Variants in NOS1AP observed in about 807,000 individuals in gnomAD.
NOS1AP encodes carboxyl-terminal PDZ ligand of neuronal nitric oxide synthase protein.
A neutral mutation model predicts 56.2 loss-of-function variants in NOS1AP; 21 were observed. The observed-to-expected ratio is 0.37, with a 90% CI of 0.26 to 0.54. The LOEUF (loss-of-function observed/expected upper bound fraction) is 0.54. Ranked by LOEUF, NOS1AP falls within the 20% of genes least tolerant of loss-of-function variation. NOS1AP has a pLI of 0.84. For missense variants in NOS1AP, 522 were observed against 657.8 expected (o/e 0.79, Z 2.26); for synonymous variants, 270 against 274.6 (o/e 0.98, Z 0.17).
Position 162,342,286 on chromosome 1 carries a change from C to T in NOS1AP, c.454-1549C>T, listed in dbSNP as rs1346034712. ...GCTAAGAAAGGTTAGAGCTGTAAAACAATTACTTCTAGGAGTAGATTTGAA... is the reference window on the plus strand; with the variant it reads ...GCTAAGAAAGGTTAGAGCTGTAAAATAATTACTTCTAGGAGTAGATTTGAA... On this transcript the variant is annotated intron_variant, in intron 5 of 9. Coordinates refer to ENST00000361897, the MANE Select transcript of NOS1AP (RefSeq NM_014697.3). 2.6e-5 allele frequency among the ~76,000 whole-genome samples: 4 copies of T among 152,308 alleles called. No homozygotes were observed. In the East Asian group the frequency reaches 7.7e-4, roughly 29 times the overall value.
intron 6 of NOS1AP, among the ~76,000 whole-genome samples, chr1:162,351,956 C>T (rs982830205): frequency 2.6e-5 from 4 of 152,262 alleles, no homozygotes; most frequent in South Asian, 4.1e-4. Flanking sequence ...TGCTCAGCCC[C>T]GGGAATGAAG....
chr1:162,356,265 T>TG (rs1657702249), intron 7 of NOS1AP, among the ~76,000 whole-genome samples: 1 of 152,206 alleles, frequency 6.6e-6, no homozygotes, highest in Non-Finnish European at 1.5e-5. Context: ...TGGAATTCTA[T>TG]GAATCGTAGA....
chr1:162,207,700 A>G (rs1445473299), intron 2 of NOS1AP, among the ~76,000 whole-genome samples: 1 of 152,206 alleles, frequency 6.6e-6, no homozygotes, highest in African/African-American at 2.4e-5. Context: ...GTAAATATTC[A>G]TGATGTGTGA....
chr1:162,312,200 CA>C (rs1431087381), intron 4 of NOS1AP, among the ~76,000 whole-genome samples: 1 of 145,826 alleles, frequency 6.9e-6, no homozygotes, highest in Non-Finnish European at 1.5e-5. Context: ...GTCCCACCAA[CA>C]GTGTAAAAGT....
chr1:162,366,396 G>A (rs1658087172), intron 9 of NOS1AP, among the ~76,000 whole-genome samples: 1 of 152,232 alleles, frequency 6.6e-6, no homozygotes, highest in South Asian at 2.1e-4. Context: ...GGGAGGTTAA[G>A]TAACTAGCTC....
At position 162,216,135 on chromosome 1, in the gene NOS1AP, A is replaced by G. The variant is rs190088518; in HGVS notation, c.177+61659A>G. On this transcript the variant is annotated intron_variant, in intron 2 of 9. Transcript: ENST00000361897. The stretch of plus-strand genomic sequence containing the variant: ...TCCCTGTCATCAGTCTTCTGAGTCC[A>G]TTGACGTTGATTTGCATTCCTTTGC... Among the ~76,000 whole-genome samples the G allele has an allele frequency of 4.3e-3, 647 of 152,142 alleles. 5 individuals carry two copies. The highest frequency in any genetic ancestry group is 6.0e-3 in the Non-Finnish European group (407 of 67,998).
chr1:162,134,243 C>T (rs962880866), intron 1 of NOS1AP, among the ~76,000 whole-genome samples: 1 of 152,080 alleles, frequency 6.6e-6, no homozygotes. Flanking sequence ...GTAATCCCAG[C>T]ACTTTAGGAG....
chr1:162,309,948 G>A (rs556211185), intron 4 of NOS1AP, among the ~76,000 whole-genome samples: 3 of 152,230 alleles, frequency 2.0e-5, no homozygotes, highest in East Asian at 1.9e-4. Context: ...TATGAGATAA[G>A]GGAAATGCTG....
chr1:162,242,184 T>C (rs140229574), intron 2 of NOS1AP, among the ~76,000 whole-genome samples: 1 of 152,290 alleles, frequency 6.6e-6, no homozygotes, highest in East Asian at 1.9e-4. Flanking sequence ...CTCAAGTGAA[T>C]AGGGTTTTAA....
At chr1:162,320,746 C>T (rs1406813014) in intron 4 of NOS1AP, among the ~76,000 whole-genome samples, 16 of 151,844 alleles carry the variant, frequency 1.1e-4, no homozygotes, top group East Asian at 1.9e-4. Context: ...CCCAGCTACT[C>T]GGGAGGCTGA....
At chr1:162,312,046 T>G (rs1656051956) in intron 4 of NOS1AP, among the ~76,000 whole-genome samples, 1 of 147,456 alleles carries the variant, frequency 6.8e-6, no homozygotes, top group African/African-American at 2.5e-5. Context: ...TAAACATACG[T>G]GTGCATGTGT....
intron 8 of NOS1AP, among the ~76,000 whole-genome samples, chr1:162,357,463 CT>C (rs1270286544): frequency 6.6e-6 from 1 of 152,090 alleles, no homozygotes; most frequent in African/African-American, 2.4e-5. Context: ...CCTTACTTTC[CT>C]GATATTTGGG....
intron 2 of NOS1AP, among the ~76,000 whole-genome samples, chr1:162,236,026 G>C (rs927291190): frequency 3.9e-5 from 6 of 152,208 alleles, no homozygotes; most frequent in Non-Finnish European, 7.3e-5. Flanking sequence ...GATATTTCAT[G>C]TCACTTCCCC....
At chr1:162,342,511 T>G (rs1453806917) in intron 5 of NOS1AP, 1 of 473,386 alleles carries the variant, frequency 2.1e-6, no homozygotes, top group Admixed American at 2.3e-5. Context: ...AGTTGTTCCA[T>G]GCACAGGGTT....
intron 4 of NOS1AP, among the ~76,000 whole-genome samples, chr1:162,308,250 T>TG (rs1655907331): frequency 1.3e-5 from 2 of 152,190 alleles, no homozygotes; most frequent in Non-Finnish European, 2.9e-5. Flanking sequence ...TGGTCCCAGG[T>TG]GCAGGGAAAA....
At chr1:162,316,455 C>T (rs779304222) in intron 4 of NOS1AP, among the ~76,000 whole-genome samples, 2 of 152,204 alleles carry the variant, frequency 1.3e-5, no homozygotes, top group Non-Finnish European at 2.9e-5. Context: ...CAGTCCTGTC[C>T]AGCTACTGCT....
chr1:162,156,352 G>A (rs77903647), intron 2 of NOS1AP, among the ~76,000 whole-genome samples: 3,445 of 152,186 alleles, frequency 0.023, 151 homozygotes, highest in African/African-American at 0.078. Context: ...TCTGGGAAGG[G>A]GCAGGCATGT....
chr1:162,251,876 T>TG (rs1245143534), intron 2 of NOS1AP, among the ~76,000 whole-genome samples: 8 of 137,622 alleles, frequency 5.8e-5, no homozygotes, highest in South Asian at 2.5e-4. Flanking sequence ...TTTGTTTTTT[T>TG]TTTTTTTTTT....
rs188797857 is a variant in NOS1AP at position 162,218,182 on chromosome 1, T to C, written c.177+63706T>C. ...TGTAAGCTTCCAGAGAAGATTCTATTTGAAGCAGTTCCGGGACTTAAAAAA... is the reference window on the plus strand; with the variant it reads ...TGTAAGCTTCCAGAGAAGATTCTATCTGAAGCAGTTCCGGGACTTAAAAAA... On this transcript the variant is annotated intron_variant, in intron 2 of 9. Coordinates refer to ENST00000361897, the MANE Select transcript of NOS1AP (RefSeq NM_014697.3). Among the ~76,000 whole-genome samples the C allele has an allele frequency of 3.3e-5, 5 of 152,332 alleles. No individual in the cohort carries two copies. The East Asian group carries it at 5.8e-4, about 18-fold the overall frequency.
Sources: gnomAD v4.1 joint callset for allele counts (sites outside exome capture counted in the v4.1 genomes callset) on GRCh38, gnomAD v4.1.1 for gene constraint, MANE v1.5 for transcripts, NCBI Gene and HGNC (gene_info 2026-07-23, HGNC 2026-07-21) for gene names.